Variants in FAM171A1 observed in about 807,000 individuals in gnomAD.
FAM171A1 encodes the protein family with sequence similarity 171 member A1.
FAM171A1 carries 23 observed loss-of-function variants against 74.9 expected under a neutral mutation model. That is an observed-to-expected ratio of 0.31 (90% confidence interval 0.22 to 0.44). FAM171A1 has a LOEUF of 0.44. FAM171A1 is among the 20% of genes least tolerant of loss of function. FAM171A1 has a pLI of 1.00. For synonymous variants in FAM171A1, 527 were observed against 505.7 expected (o/e 1.04, Z -0.57); for missense variants, 1,162 against 1,159.2 (o/e 1.00, Z -0.03).
rs55705228 is a variant in FAM171A1, at chr10:15,263,741, GTCTATCTATCTA to G, written c.419-8874_419-8863del. On this transcript the variant is annotated intron_variant, in intron 3 of 7. Coordinates refer to ENST00000378116, the MANE Select transcript of FAM171A1 (RefSeq NM_001010924.2). ...TATCAATCTATCTATCTATCTGTCT[GTCTATCTATCTA>G]TCTATCTATCTATCTATCTATCTAT... Among the ~76,000 whole-genome samples the G allele has an allele frequency of 6.7e-3, 939 of 140,646 alleles. 4 individuals carry two copies. The highest frequency in any genetic ancestry group is 0.02 in the African/African-American group (797 of 39,010). The allele number at this position is 140,646 out of a possible 152,430, so 92.3% of individuals were successfully genotyped here.
intron 5 of FAM171A1, among the ~76,000 whole-genome samples, chr10:15,228,325 A>C (rs1471498806): frequency 6.7e-6 from 1 of 148,786 alleles, no homozygotes; most frequent in East Asian, 2.0e-4. Context: ...GTACAAGAAC[A>C]AAGTGGGAGT....
chr10:15,319,362 A>T (rs1394077992), intron 1 of FAM171A1, among the ~76,000 whole-genome samples: 2 of 152,140 alleles, frequency 1.3e-5, no homozygotes. Flanking sequence ...GATACAATGG[A>T]CTTTGGGGAC....
chr10:15,284,896 C>A (rs1835016855), intron 1 of FAM171A1, among the ~76,000 whole-genome samples: 3 of 147,728 alleles, frequency 2.0e-5, no homozygotes. Flanking sequence ...AAAGGGAGGA[C>A]CCAAAGAGTA....
chr10:15,345,277 T>C (rs1359527660), intron 1 of FAM171A1, among the ~76,000 whole-genome samples: 1 of 152,194 alleles, frequency 6.6e-6, no homozygotes, highest in Non-Finnish European at 1.5e-5. Flanking sequence ...GACATGAAGA[T>C]GTGCACCAGC....
At position 15,214,449 on chromosome 10, in the gene FAM171A1, G is replaced by A. The variant is rs1237013375; in HGVS notation, c.1139C>T (p.Thr380Ile). The A allele has an allele frequency of 6.2e-7, 1 of 1,614,174 alleles. No individual in the cohort carries two copies. Among genetic ancestry groups the A allele is most frequent in the Non-Finnish European group, 8.5e-7 (1 of 1,180,044 alleles). The change falls in exon 8 of 8, where the codon ACC becomes ATC. Residue 380 changes from threonine to isoleucine, a missense_variant. Physicochemically the swap from Thr to Ile is moderately conservative, Grantham distance 89. Coordinates refer to ENST00000378116, the MANE Select transcript of FAM171A1 (RefSeq NM_001010924.2). ...GGGGGCCTCGGGGCGGCCGTGGCTG[G>A]TGACGGACAGCGGGCCAGGGAATTC... ...ASEFPGPLSV[T>I]SHGRPEAPGT...
intron 1 of FAM171A1, among the ~76,000 whole-genome samples, chr10:15,304,824 C>A (rs940341489): frequency 1.6e-4 from 25 of 152,224 alleles, no homozygotes; most frequent in African/African-American, 5.5e-4. Context: ...GCAACCTCTG[C>A]CTTCCAGGTT....
rs528071563 is a variant in FAM171A1 at position 15,328,289 on chromosome 10, C to T, written c.97+42667G>A. 5.3e-5 allele frequency among the ~76,000 whole-genome samples: 8 copies of T among 152,186 alleles called. No individual in the cohort carries two copies. In the South Asian group the frequency reaches 1.0e-3, roughly 20 times the overall value. ...CCTCTCCAGTAGCTGGGATCACAGG[C>T]GCCCACCACCAAGCCCAGCTAATTT... is the stretch of plus-strand genomic sequence containing the variant. On this transcript the variant is annotated intron_variant, in intron 1 of 7. Transcript: ENST00000378116.
chr10:15,221,924 G>A (rs1179223409), intron 5 of FAM171A1, among the ~76,000 whole-genome samples: 1 of 152,128 alleles, frequency 6.6e-6, no homozygotes, highest in African/African-American at 2.4e-5. Flanking sequence ...TTTACTTTGT[G>A]AAGTTTCTAG....
chr10:15,332,619 G>A (rs1396495733), intron 1 of FAM171A1, among the ~76,000 whole-genome samples: 6 of 152,204 alleles, frequency 3.9e-5, no homozygotes, highest in Admixed American at 3.3e-4. Flanking sequence ...AATGATGAGT[G>A]TCATGAATTT....
chr10:15,302,174 T>A (rs915220344), intron 1 of FAM171A1, among the ~76,000 whole-genome samples: 6 of 152,136 alleles, frequency 3.9e-5, no homozygotes, highest in African/African-American at 1.4e-4. Context: ...GTTTAACATG[T>A]TGTTCTTGGC....
chr10:15,365,743 C>T (rs562466085), intron 1 of FAM171A1, among the ~76,000 whole-genome samples: 10 of 143,524 alleles, frequency 7.0e-5, no homozygotes, highest in African/African-American at 2.1e-4. Flanking sequence ...GCACTCCAGC[C>T]TGGGGGACAC....
chr10:15,361,848 G>A (rs192361831), intron 1 of FAM171A1, among the ~76,000 whole-genome samples: 1 of 152,288 alleles, frequency 6.6e-6, no homozygotes, highest in South Asian at 2.1e-4. Context: ...GCTCAAGATA[G>A]TACATCTAAG....
intron 2 of FAM171A1, among the ~76,000 whole-genome samples, chr10:15,282,157 T>C (rs1476095576): frequency 1.3e-5 from 2 of 152,196 alleles, no homozygotes; most frequent in African/African-American, 4.8e-5. Flanking sequence ...CCCAGCTCAC[T>C]GCAGCCTCCA....
intron 3 of FAM171A1, among the ~76,000 whole-genome samples, chr10:15,266,851 A>G (rs1179995860): frequency 6.7e-6 from 1 of 149,326 alleles, no homozygotes; most frequent in Non-Finnish European, 1.5e-5. Flanking sequence ...CCTGGGTGAC[A>G]GAGTGAGACT....
intron 1 of FAM171A1, among the ~76,000 whole-genome samples, chr10:15,359,483 T>C (rs1485369449): frequency 1.3e-5 from 2 of 152,090 alleles, no homozygotes; most frequent in Non-Finnish European, 2.9e-5. Context: ...GGCAGAGAAA[T>C]GGGCCTCCCG....
At chr10:15,332,220 T>C (rs187036174) in intron 1 of FAM171A1, among the ~76,000 whole-genome samples, 1 of 152,048 alleles carries the variant, frequency 6.6e-6, no homozygotes, top group East Asian at 1.9e-4. Context: ...CCTCCCAGAG[T>C]GCTAGGATTA....
chr10:15,227,326 T>C lies in FAM171A1; in HGVS notation c.755-6266A>G, dbSNP rs553116157. The stretch of plus-strand genomic sequence containing the variant: ...GGAACAGTGATATTTGAAATCCAAG[T>C]TCAGTATTGTTTTCTTCCACACCAC... On this transcript the variant is annotated intron_variant, in intron 5 of 7. Coordinates refer to ENST00000378116, the MANE Select transcript of FAM171A1 (RefSeq NM_001010924.2). Among the ~76,000 whole-genome samples the C allele has an allele frequency of 5.3e-5, 8 of 152,036 alleles. No homozygotes were observed. In the South Asian group the frequency reaches 1.2e-3, roughly 24 times the overall value.
intron 1 of FAM171A1, among the ~76,000 whole-genome samples, chr10:15,336,072 GA>G (rs1209824253): frequency 6.6e-6 from 1 of 152,116 alleles, no homozygotes; most frequent in Non-Finnish European, 1.5e-5. Context: ...TGACAACTGT[GA>G]AATGTTTGAT....
intron 3 of FAM171A1, among the ~76,000 whole-genome samples, chr10:15,273,010 A>C (rs955087557): frequency 7.2e-5 from 11 of 152,188 alleles, no homozygotes; most frequent in Admixed American, 1.3e-4. Flanking sequence ...ACAAATTCAA[A>C]AGCTAGCAGA....
Sources: gnomAD v4.1 joint callset for allele counts (sites outside exome capture counted in the v4.1 genomes callset) on GRCh38, gnomAD v4.1.1 for gene constraint, MANE v1.5 for transcripts, NCBI Gene and HGNC (gene_info 2026-07-23, HGNC 2026-07-21) for gene names.